RHOBTB3: variants seen among roughly 807,000 people sequenced by gnomAD.
RHOBTB3 encodes rho-related BTB domain-containing protein 3.
Under a neutral mutation model 67.2 loss-of-function variants are expected in RHOBTB3, and 47 were observed. The observed-to-expected ratio is 0.70, with a 90% CI of 0.55 to 0.89. The LOEUF is 0.89. RHOBTB3 is among the 40% of genes least tolerant of loss of function. RHOBTB3 has a pLI of 0.00. For synonymous variants in RHOBTB3, 273 were observed against 274.2 expected (o/e 1.00, Z 0.04); for missense variants, 631 against 750.0 (o/e 0.84, Z 1.85).
intron 5 of RHOBTB3, among the ~76,000 whole-genome samples, chr5:95,753,599 C>T (rs1400599997): frequency 6.6e-6 from 1 of 152,124 alleles, no homozygotes; most frequent in East Asian, 1.9e-4. Context: ...ATGATACACA[C>T]TTGGCTTTTA....
intron 8 of RHOBTB3, among the ~76,000 whole-genome samples, chr5:95,770,923 T>G (rs1745691160): frequency 6.6e-6 from 1 of 152,124 alleles, no homozygotes; most frequent in Admixed American, 6.5e-5. Context: ...AATAATTTAT[T>G]TTGTATTTTT....
chr5:95,777,854 C>T (rs1178043665), intron 8 of RHOBTB3, among the ~76,000 whole-genome samples: 2 of 152,256 alleles, frequency 1.3e-5, no homozygotes, highest in African/African-American at 2.4e-5. Context: ...CAGTGGCTCA[C>T]GCCTGTAATG....
intron 3 of RHOBTB3, among the ~76,000 whole-genome samples, chr5:95,745,120 G>A (rs889676969): frequency 6.6e-6 from 1 of 151,886 alleles, no homozygotes; most frequent in African/African-American, 2.4e-5. Context: ...TAAAAAAATG[G>A]AGATGGGATC....
At chr5:95,774,798 T>G (rs1193596134) in intron 8 of RHOBTB3, among the ~76,000 whole-genome samples, 1 of 152,230 alleles carries the variant, frequency 6.6e-6, no homozygotes, top group Non-Finnish European at 1.5e-5. Context: ...ATGTTTTTAA[T>G]GTTCTAGTCT....
intron 9 of RHOBTB3, chr5:95,781,787 T>G (rs1377533048): frequency 1.3e-5 from 2 of 152,244 alleles, no homozygotes; most frequent in African/African-American, 4.8e-5. Context: ...GAGGCAGAGG[T>G]TGCAGTGAGC....
At chr5:95,779,549 C>T (rs996592895) in intron 8 of RHOBTB3, among the ~76,000 whole-genome samples, 1 of 152,124 alleles carries the variant, frequency 6.6e-6, no homozygotes, top group Non-Finnish European at 1.5e-5. Flanking sequence ...TAATTCAGTT[C>T]GGTGAGTTCA....
chr5:95,790,212 A>T (rs935722656), intron 11 of RHOBTB3, among the ~76,000 whole-genome samples: 2 of 152,248 alleles, frequency 1.3e-5, no homozygotes, highest in African/African-American at 4.8e-5. Flanking sequence ...ACTTTGTGCA[A>T]GGAAAAAACA....
chr5:95,738,390 G>T (rs1231648062), intron 3 of RHOBTB3, among the ~76,000 whole-genome samples: 1 of 152,168 alleles, frequency 6.6e-6, no homozygotes, highest in Non-Finnish European at 1.5e-5. Context: ...CTCCCTCAGG[G>T]TCTCCAGTTG....
intron 8 of RHOBTB3, among the ~76,000 whole-genome samples, chr5:95,774,358 A>G (rs960155981): frequency 6.6e-6 from 1 of 152,238 alleles, no homozygotes; most frequent in Non-Finnish European, 1.5e-5. Flanking sequence ...GGTTGGGAAA[A>G]TAGATACTGT....
At chr5:95,752,656 A>G (rs527752682) in intron 5 of RHOBTB3, among the ~76,000 whole-genome samples, 10 of 152,340 alleles carry the variant, frequency 6.6e-5, no homozygotes, top group African/African-American at 2.4e-4. Context: ...ACTAAATGCA[A>G]TGCATGAACC....
At chr5:95,776,632 T>C (rs1050539777) in intron 8 of RHOBTB3, among the ~76,000 whole-genome samples, 1 of 152,154 alleles carries the variant, frequency 6.6e-6, no homozygotes. Context: ...AGAACTGATA[T>C]ACTGAGGCAC....
chr5:95,718,999 A>G (rs76338092), intron 1 of RHOBTB3, among the ~76,000 whole-genome samples: 8,065 of 152,180 alleles, frequency 0.053, 515 homozygotes, highest in African/African-American at 0.15. Context: ...ATTATCTAGG[A>G]TTTGCCCATG....
intron 7 of RHOBTB3, among the ~76,000 whole-genome samples, chr5:95,764,499 C>T (rs953070561): frequency 6.6e-6 from 1 of 152,168 alleles, no homozygotes; most frequent in African/African-American, 2.4e-5. Flanking sequence ...CATTAAAACT[C>T]TAGTAACTTG....
chr5:95,734,288 T>G (rs1213005449), intron 2 of RHOBTB3, among the ~76,000 whole-genome samples: 1 of 151,104 alleles, frequency 6.6e-6, no homozygotes, highest in African/African-American at 2.5e-5. Flanking sequence ...CTGTAGAAAT[T>G]CAGATTTTTT....
intron 8 of RHOBTB3, among the ~76,000 whole-genome samples, chr5:95,777,718 A>G (rs1745930505): frequency 6.6e-6 from 1 of 152,232 alleles, no homozygotes; most frequent in South Asian, 2.1e-4. Flanking sequence ...TAACATCAAA[A>G]CAGTAGTTTA....
At chr5:95,735,179 T>TCCC in intron 2 of RHOBTB3, among the ~76,000 whole-genome samples, 1 of 152,164 alleles carries the variant, frequency 6.6e-6, no homozygotes, top group Non-Finnish European at 1.5e-5. Flanking sequence ...TTCTGCACTG[T>TCCC]GTCCCACTTC....
chr5:95,725,912 ATTG>A (rs1477478101), upstream of RHOBTB3, among the ~76,000 whole-genome samples: 1 of 151,972 alleles, frequency 6.6e-6, no homozygotes, highest in Non-Finnish European at 1.5e-5. Context: ...ACAGTCAATT[ATTG>A]TTTACAGTAT....
intron 3 of RHOBTB3, among the ~76,000 whole-genome samples, chr5:95,747,010 T>A (rs1413200349): frequency 1.3e-5 from 2 of 152,222 alleles, no homozygotes; most frequent in Non-Finnish European, 2.9e-5. Flanking sequence ...GGGGAGTTGC[T>A]CAAATGTCCT....
At chr5:95,745,221 A>G (rs1436343415) in intron 3 of RHOBTB3, among the ~76,000 whole-genome samples, 2 of 152,072 alleles carry the variant, frequency 1.3e-5, no homozygotes, top group Non-Finnish European at 2.9e-5. Context: ...AGCACACGCC[A>G]TCATGCTCAG....
Sources: allele counts gnomAD v4.1 joint callset (sites outside exome capture counted in the v4.1 genomes callset), GRCh38; gene constraint gnomAD v4.1.1; transcripts MANE v1.5; gene names NCBI Gene and HGNC (gene_info 2026-07-23, HGNC 2026-07-21).